Variants in CDH13 observed in about 807,000 individuals in gnomAD.
The protein encoded by CDH13 is cadherin-13.
A neutral mutation model predicts 63.8 loss-of-function variants in CDH13; 24 were observed. The observed-to-expected ratio is 0.38, with a 90% CI of 0.27 to 0.53. The LOEUF is 0.53. Among genes scored for constraint, CDH13 ranks in the 20% least tolerant of loss-of-function variants. The probability of loss-of-function intolerance (pLI) is 0.85; values close to 1 mark genes in which losing one functional copy is unlikely to be tolerated. For synonymous variants in CDH13, 503 were observed against 355.3 expected (o/e 1.42, Z -4.67); for missense variants, 1,049 against 903.1 (o/e 1.16, Z -2.07).
intron 7 of CDH13, among the ~76,000 whole-genome samples, chr16:83,497,428 G>A (rs567516649): frequency 2.7e-5 from 4 of 148,626 alleles, no homozygotes; most frequent in Non-Finnish European, 4.4e-5. Flanking sequence ...ACCAAACACC[G>A]CATATTCTCA....
At chr16:82,951,722 C>A (rs1296906762) in intron 2 of CDH13, among the ~76,000 whole-genome samples, 1 of 152,146 alleles carries the variant, frequency 6.6e-6, no homozygotes, top group South Asian at 2.1e-4. Context: ...TCATCATGGA[C>A]CCAGGCTTTC....
At chr16:83,207,077 T>C (rs1215827441) in intron 4 of CDH13, among the ~76,000 whole-genome samples, 1 of 152,246 alleles carries the variant, frequency 6.6e-6, no homozygotes, top group Non-Finnish European at 1.5e-5. Context: ...AATATGGAAC[T>C]ATGTGGCCTA....
chr16:83,652,976 A>T (rs549534584), intron 8 of CDH13, among the ~76,000 whole-genome samples: 1 of 152,212 alleles, frequency 6.6e-6, no homozygotes, highest in African/African-American at 2.4e-5. Context: ...CACACAAAGG[A>T]CTGAAGTACT....
chr16:83,364,628 A>G (rs1335026615), intron 6 of CDH13, among the ~76,000 whole-genome samples: 1 of 152,212 alleles, frequency 6.6e-6, no homozygotes, highest in Non-Finnish European at 1.5e-5. Flanking sequence ...GAACTCCATT[A>G]CTTGGTTAGT....
At position 82,896,276 on chromosome 16, in the gene CDH13, ATTTTTT is replaced by A. The variant is rs59677448; in HGVS notation, c.157+37831_157+37836del. On this transcript the variant is annotated intron_variant, in intron 2 of 13. Coordinates refer to ENST00000567109, the MANE Select transcript of CDH13 (RefSeq NM_001257.5). Reference sequence around the variant, plus strand: ...GAGTCTTCTGAGAACTAGGATTAGGATTTTTTTTTTTTTTTTTTTTTTTTTTTTTTT... The same window carrying A: ...GAGTCTTCTGAGAACTAGGATTAGGATTTTTTTTTTTTTTTTTTTTTTTTT... Among the ~76,000 whole-genome samples, 455 of 87,796 alleles carry A rather than the reference ATTTTTT, an allele frequency of 5.2e-3. 2 individuals are homozygous for A. Among genetic ancestry groups the A allele is most frequent in the East Asian group, 0.033 (47 of 1,432 alleles). 57.6% of individuals were successfully genotyped at this position (87,796 alleles called of 152,430 possible). A position where few individuals can be genotyped will look rare whatever the true frequency, so the allele number is the denominator to read the frequency against.
chr16:83,141,937 C>G (rs1360175684), intron 4 of CDH13, among the ~76,000 whole-genome samples: 1 of 152,144 alleles, frequency 6.6e-6, no homozygotes, highest in Non-Finnish European at 1.5e-5. Context: ...ACTCCCTCCT[C>G]CAGTGTCAGA....
chr16:82,947,810 T>C (rs1411648466), intron 2 of CDH13, among the ~76,000 whole-genome samples: 4 of 151,828 alleles, frequency 2.6e-5, no homozygotes, highest in Non-Finnish European at 5.9e-5. Context: ...TCAAGTGGAA[T>C]TTTATGATAA....
At chr16:82,909,759 T>C (rs568601173) in intron 2 of CDH13, among the ~76,000 whole-genome samples, 2 of 152,216 alleles carry the variant, frequency 1.3e-5, no homozygotes, top group African/African-American at 2.4e-5. Flanking sequence ...ATGAGAATTA[T>C]GGGAGATCTC....
At chr16:83,351,430 G>A (rs1000659927) in intron 6 of CDH13, among the ~76,000 whole-genome samples, 3 of 151,958 alleles carry the variant, frequency 2.0e-5, no homozygotes, top group African/African-American at 7.3e-5. Flanking sequence ...GCAGTTCTGG[G>A]GTTCTCTCCT....
intron 2 of CDH13, among the ~76,000 whole-genome samples, chr16:82,972,269 C>T (rs1471408175): frequency 6.6e-6 from 1 of 152,096 alleles, no homozygotes; most frequent in South Asian, 2.1e-4. Flanking sequence ...CCTGGGCAGA[C>T]CAAGCATAAT....
chr16:83,399,845 C>G (rs1005171666), intron 6 of CDH13, among the ~76,000 whole-genome samples: 1 of 152,166 alleles, frequency 6.6e-6, no homozygotes, highest in African/African-American at 2.4e-5. Flanking sequence ...AGCAGGCATT[C>G]AAACAGCTGT....
chr16:83,654,581 G>C (rs1292774920), intron 8 of CDH13, among the ~76,000 whole-genome samples: 2 of 152,106 alleles, frequency 1.3e-5, no homozygotes, highest in East Asian at 3.9e-4. Flanking sequence ...TGAGGAAACA[G>C]GCCTGAGAGT....
intron 11 of CDH13, among the ~76,000 whole-genome samples, chr16:83,770,241 T>A (rs888644532): frequency 6.6e-6 from 1 of 152,198 alleles, no homozygotes; most frequent in African/African-American, 2.4e-5. Flanking sequence ...AAACTGTTTT[T>A]TACCCTTTCT....
chr16:82,719,845 CAAAA>C (rs34017657), intron 1 of CDH13, among the ~76,000 whole-genome samples: 5 of 88,190 alleles, frequency 5.7e-5, no homozygotes, highest in Middle Eastern at 6.0e-3. Flanking sequence ...GACTCTGTCT[CAAAA>C]AAAAAAAAAA....
chr16:83,662,535 C>T (rs995764948), intron 8 of CDH13, among the ~76,000 whole-genome samples: 2 of 152,096 alleles, frequency 1.3e-5, no homozygotes, highest in African/African-American at 2.4e-5. Context: ...AGTGCAGAAT[C>T]GGGGCGGGGT....
chr16:82,667,105 A>C (rs965408629), intron 1 of CDH13, among the ~76,000 whole-genome samples: 1 of 152,170 alleles, frequency 6.6e-6, no homozygotes, highest in Non-Finnish European at 1.5e-5. Flanking sequence ...TTGTGTCTTC[A>C]GAAGTTATCT....
At chr16:83,645,418 G>A (rs1911696089) in intron 8 of CDH13, among the ~76,000 whole-genome samples, 1 of 152,130 alleles carries the variant, frequency 6.6e-6, no homozygotes, top group Non-Finnish European at 1.5e-5. Context: ...GAGAGATGTT[G>A]GGGATGAGGG....
intron 4 of CDH13, among the ~76,000 whole-genome samples, chr16:83,190,283 A>G (rs906519788): frequency 1.3e-5 from 2 of 152,184 alleles, no homozygotes; most frequent in African/African-American, 4.8e-5. Flanking sequence ...TGATTGTGGT[A>G]CAGCTGATTG....
intron 5 of CDH13, among the ~76,000 whole-genome samples, chr16:83,220,170 G>A (rs576978116): frequency 6.6e-6 from 1 of 152,294 alleles, no homozygotes; most frequent in South Asian, 2.1e-4. Flanking sequence ...TCATTGTCCT[G>A]TTTTCATCAT....
Sources: gnomAD v4.1 joint callset for allele counts (sites outside exome capture counted in the v4.1 genomes callset) on GRCh38, gnomAD v4.1.1 for gene constraint, MANE v1.5 for transcripts, NCBI Gene and HGNC (gene_info 2026-07-23, HGNC 2026-07-21) for gene names.